Variants in MKLN1 observed in about 807,000 individuals in gnomAD.
MKLN1 encodes muskelin.
Under a neutral mutation model 99.0 loss-of-function variants are expected in MKLN1, and 18 were observed. The ratio of observed to expected loss-of-function variants is 0.18; its 90% CI spans 0.13 to 0.27. MKLN1 has a LOEUF of 0.27. Among genes scored for constraint, MKLN1 ranks in the 10% least tolerant of loss-of-function variants. The pLI, the probability that MKLN1 is intolerant of heterozygous loss-of-function variation, is 1.00. For synonymous variants in MKLN1, 288 were observed against 293.2 expected, an observed-to-expected ratio of 0.98 and a Z score of 0.18; for missense variants, 621 against 875.9, an observed-to-expected ratio of 0.71 and a Z score of 3.67.
intron 11 of MKLN1, among the ~76,000 whole-genome samples, chr7:131,445,098 G>C (rs908154354): frequency 6.6e-6 from 1 of 152,106 alleles, no homozygotes; most frequent in Middle Eastern, 3.2e-3. Context: ...TTAGGATTTA[G>C]ACTTCTAGGG....
At chr7:131,470,207 C>A (rs1277967473) in intron 15 of MKLN1, among the ~76,000 whole-genome samples, 2 of 152,104 alleles carry the variant, frequency 1.3e-5, no homozygotes, top group African/African-American at 2.4e-5. Context: ...TAAAATAGAT[C>A]ATCATCATTG....
At chr7:131,248,992 C>T (rs1797538054) in intron 3 of MKLN1, among the ~76,000 whole-genome samples, 1 of 152,246 alleles carries the variant, frequency 6.6e-6, no homozygotes, top group South Asian at 2.1e-4. Context: ...GAAACCCTCT[C>T]CTGGAGAAAC....
At chr7:131,286,811 A>G (rs902726257) in intron 3 of MKLN1, among the ~76,000 whole-genome samples, 11 of 152,274 alleles carry the variant, frequency 7.2e-5, no homozygotes, top group Admixed American at 7.2e-4. Flanking sequence ...TGGTCCCAAA[A>G]GGAGCCCCAA....
chr7:131,122,063 G>A (rs1795380878), intron 1 of MKLN1, among the ~76,000 whole-genome samples: 1 of 152,196 alleles, frequency 6.6e-6, no homozygotes, highest in Non-Finnish European at 1.5e-5. Flanking sequence ...TGTTTCTCTC[G>A]TAAGCGTTAA....
intron 1 of MKLN1, among the ~76,000 whole-genome samples, chr7:131,126,585 C>A (rs1563223519): frequency 6.6e-6 from 1 of 152,092 alleles, no homozygotes. Context: ...TGGAGTTTCA[C>A]TCTTGTCACC....
intron 1 of MKLN1, among the ~76,000 whole-genome samples, chr7:131,111,050 A>C (rs1200759744): frequency 6.6e-6 from 1 of 152,202 alleles, no homozygotes; most frequent in African/African-American, 2.4e-5. Context: ...ACTGGAGTGT[A>C]GTTCTCCAGA....
chr7:131,183,426 A>G (rs1307589072), intron 2 of MKLN1, among the ~76,000 whole-genome samples: 2 of 152,140 alleles, frequency 1.3e-5, no homozygotes, highest in African/African-American at 4.8e-5. Context: ...TTGATCACCC[A>G]CTATTGTACT....
intron 2 of MKLN1, among the ~76,000 whole-genome samples, chr7:131,152,241 G>C (rs1206909011): frequency 6.6e-6 from 1 of 152,110 alleles, no homozygotes; most frequent in Non-Finnish European, 1.5e-5. Context: ...AGGATCATTT[G>C]AGCCCAGGAG....
At chr7:131,393,150 C>CT (rs1452838904) in intron 4 of MKLN1, among the ~76,000 whole-genome samples, 6 of 152,160 alleles carry the variant, frequency 3.9e-5, no homozygotes, top group Non-Finnish European at 7.4e-5. Context: ...ATATTCATGT[C>CT]TGATTGTCCA....
At chr7:131,378,188 T>C (rs1236787196) in intron 2 of MKLN1, among the ~76,000 whole-genome samples, 1 of 152,212 alleles carries the variant, frequency 6.6e-6, no homozygotes, top group Non-Finnish European at 1.5e-5. Context: ...CTTGGCTCAC[T>C]GCAGCCTCCA....
intron 3 of MKLN1, among the ~76,000 whole-genome samples, chr7:131,244,272 C>T (rs1466512232): frequency 6.6e-6 from 1 of 152,158 alleles, no homozygotes. Context: ...ATTCACAACT[C>T]AGCTTCTGGC....
intron 1 of MKLN1, among the ~76,000 whole-genome samples, chr7:131,331,781 G>T (rs1799082985): frequency 6.6e-6 from 1 of 152,138 alleles, no homozygotes; most frequent in African/African-American, 2.4e-5. Flanking sequence ...GCAAGAGAGG[G>T]AAAAATAGAT....
At chr7:131,153,219 CT>C (rs1478042585) in intron 2 of MKLN1, among the ~76,000 whole-genome samples, 3 of 151,864 alleles carry the variant, frequency 2.0e-5, no homozygotes, top group Non-Finnish European at 4.4e-5. Flanking sequence ...ATGGTGTTTG[CT>C]TTGTCTTATT....
intron 3 of MKLN1, among the ~76,000 whole-genome samples, chr7:131,257,874 C>A (rs557230649): frequency 6.6e-6 from 1 of 152,266 alleles, no homozygotes; most frequent in Admixed American, 6.5e-5. Flanking sequence ...AATCCCAACA[C>A]TTTGGGAGGC....
chr7:131,187,573 A>G (rs1008513993), intron 2 of MKLN1, among the ~76,000 whole-genome samples: 2 of 152,168 alleles, frequency 1.3e-5, no homozygotes, highest in African/African-American at 2.4e-5. Context: ...GGTAGTTATG[A>G]CAGAGACTAT....
chr7:131,345,713 C>CA lies in MKLN1; in HGVS notation c.98+17726dup, dbSNP rs200720849. 5.6e-3 allele frequency among the ~76,000 whole-genome samples: 826 copies of CA among 148,156 alleles called. 9 individuals carry two copies. The highest frequency in any genetic ancestry group is 0.019 in the African/African-American group (773 of 40,358). On this transcript the variant is annotated intron_variant, in intron 1 of 17. Coordinates refer to ENST00000352689, the MANE Select transcript of MKLN1 (RefSeq NM_013255.5). ...TGGGCAATGGAACGAGACTGTGTCT[C>CA]AAAAAAAAAATTTAAAAATAAGTAC...
At chr7:131,486,199 T>C (rs1332464225) in intron 17 of MKLN1, among the ~76,000 whole-genome samples, 4 of 151,822 alleles carry the variant, frequency 2.6e-5, no homozygotes, top group Admixed American at 6.6e-5. Flanking sequence ...CTTGAAACTT[T>C]TCTGTGGGTT....
chr7:131,214,114 T>C (rs1177863989), intron 3 of MKLN1, among the ~76,000 whole-genome samples: 2 of 152,142 alleles, frequency 1.3e-5, no homozygotes, highest in Admixed American at 1.3e-4. Context: ...ACAGGAAATA[T>C]GTATATAATT....
chr7:131,411,996 A>C (rs2116331059), intron 7 of MKLN1, among the ~76,000 whole-genome samples: 1 of 148,860 alleles, frequency 6.7e-6, no homozygotes, highest in Non-Finnish European at 1.5e-5. Flanking sequence ...CTGAGGTAGA[A>C]GGGTGGCTTG....
Sources: gnomAD v4.1 joint callset for allele counts (sites outside exome capture counted in the v4.1 genomes callset) on GRCh38, gnomAD v4.1.1 for gene constraint, MANE v1.5 for transcripts, NCBI Gene and HGNC (gene_info 2026-07-23, HGNC 2026-07-21) for gene names.